Variants in DYNC2I1 observed in about 807,000 individuals in gnomAD.
DYNC2I1 encodes cytoplasmic dynein 2 intermediate chain 1.
DYNC2I1 carries 89 observed loss-of-function variants against 133.4 expected under a neutral mutation model. The observed-to-expected ratio is 0.67, with a 90% CI of 0.56 to 0.80. The LOEUF is 0.80. DYNC2I1 is among the 30% of genes least tolerant of loss of function. The pLI is 0.00. For missense variants in DYNC2I1, 1,291 were observed against 1,314.5 expected (o/e 0.98, Z 0.28); for synonymous variants, 504 against 484.3 (o/e 1.04, Z -0.54).
chr7:158,931,787 G>A (rs1448693995), intron 21 of DYNC2I1, among the ~76,000 whole-genome samples: 2 of 152,202 alleles, frequency 1.3e-5, no homozygotes, highest in East Asian at 3.9e-4. Context: ...TACGTGCTAG[G>A]CTTTGTAGCA....
intron 11 of DYNC2I1, among the ~76,000 whole-genome samples, chr7:158,907,331 T>C (rs1482953748): frequency 1.3e-5 from 2 of 148,762 alleles, no homozygotes; most frequent in East Asian, 2.0e-4. Flanking sequence ...AAACTACATA[T>C]GGTTTAATGC....
intron 24 of DYNC2I1, among the ~76,000 whole-genome samples, chr7:158,944,771 C>A (rs1563215063): frequency 6.6e-6 from 1 of 152,150 alleles, no homozygotes; most frequent in Non-Finnish European, 1.5e-5. Context: ...AGTTGGATCT[C>A]AAAGGACAAG....
At chr7:158,955,568 G>A (rs1032821693) in intron 4 of DYNC2I1, among the ~76,000 whole-genome samples, 1 of 152,220 alleles carries the variant, frequency 6.6e-6, no homozygotes, top group Non-Finnish European at 1.5e-5. Context: ...AGAGCCAGGC[G>A]GTGGTTCTGG....
In DYNC2I1 at chr7:158,871,155, G is replaced by A; in HGVS notation, c.83G>A (p.Gly28Asp). The A allele has an allele frequency of 1.2e-6, 2 of 1,613,120 alleles. No homozygotes were observed. The highest frequency in any genetic ancestry group is 2.2e-5 in the East Asian group (1 of 44,856). Residue 28 changes from glycine to aspartate, a missense_variant, in exon 3 of 25, where the codon GGT becomes GAT. By Grantham distance (94) the Gly-to-Asp change is moderately conservative. Coordinates refer to ENST00000407559, the MANE Select transcript of DYNC2I1 (RefSeq NM_018051.5). ...CTCTTGTTTCAGGCCATACAGTCAG[G>A]TGGTTCCAAGGAAGAAAGAAAGCAC... is the stretch of plus-strand genomic sequence containing the variant. ...LRKHLWAIQS[G>D]GSKEERKHRE...
chr7:158,851,907 A>C (rs951426621), upstream of DYNC2I1, among the ~76,000 whole-genome samples: 1 of 152,190 alleles, frequency 6.6e-6, no homozygotes, highest in Non-Finnish European at 1.5e-5. Context: ...ACACACAAAT[A>C]CTATTCTGAT....
At chr7:158,839,845 G>A in the DYNC2I1 span, among the ~76,000 whole-genome samples, 2 of 151,360 alleles carry the variant, frequency 1.3e-5, no homozygotes, top group East Asian at 1.9e-4. Context: ...ATGAGGTCTC[G>A]CTCTATCACC....
chr7:158,880,062 G>C, intron 5 of DYNC2I1, 73 bp downstream of exon 5: 1 of 1,504,750 alleles, frequency 6.6e-7, no homozygotes, highest in Non-Finnish European at 8.9e-7. Flanking sequence ...CTTACCGGGC[G>C]GTGTCGCCAG....
intron 23 of DYNC2I1, among the ~76,000 whole-genome samples, chr7:158,940,365 G>A (rs964331332): frequency 3.3e-5 from 5 of 152,142 alleles, no homozygotes; most frequent in Middle Eastern, 3.2e-3. Flanking sequence ...CAGGAGGTGG[G>A]GTTCAGGTGG....
In DYNC2I1 at chr7:158,871,367, C is replaced by A. The variant is rs763613395; in HGVS notation, c.295C>A (p.Arg99=). The A allele has an allele frequency of 1.9e-6, 3 of 1,549,692 alleles. No homozygotes were observed. In the African/African-American group the frequency reaches 4.1e-5, roughly 21 times the overall value. The change falls in exon 3 of 25, where the codon CGG becomes AGG. Residue 99 remains arginine, a synonymous_variant. Transcript: ENST00000407559. The stretch of plus-strand genomic sequence containing the variant: ...GGAGAGGAGAAGAGACGCAAAAGAC[C>A]GGGAGAAAGAAAAGCTGAAGGAGAA... ...QRERRRDAKD[R]EKEKLKEKHR... is the part of the protein sequence containing the mutation.
chr7:158,902,253 T>A lies in DYNC2I1; in HGVS notation c.1138-123T>A, dbSNP rs371561388. On this transcript the variant is annotated intron_variant, in intron 9 of 24. Coordinates refer to ENST00000407559, the MANE Select transcript of DYNC2I1 (RefSeq NM_018051.5). ...TAAAATCAGGGAACTATAAATATCTTTCTTAGCTGTAATAAGGACATTGTC... is the reference window on the plus strand; with the variant it reads ...TAAAATCAGGGAACTATAAATATCTATCTTAGCTGTAATAAGGACATTGTC... 119 of 779,002 alleles carry A rather than the reference T, an allele frequency of 1.5e-4. 1 individual carries two copies. In the African/African-American group the frequency reaches 1.7e-3, roughly 11 times the overall value. 48.3% of individuals were successfully genotyped at this position (779,002 alleles called of 1,614,324 possible).
At chr7:158,890,833 C>G (rs1845136871) in intron 7 of DYNC2I1, among the ~76,000 whole-genome samples, 1 of 152,148 alleles carries the variant, frequency 6.6e-6, no homozygotes, top group Admixed American at 6.5e-5. Context: ...CTCGGCCTCC[C>G]AGAGTGCTAG....
chr7:158,890,301 A>G (rs1845074650), intron 7 of DYNC2I1, among the ~76,000 whole-genome samples: 1 of 152,062 alleles, frequency 6.6e-6, no homozygotes, highest in African/African-American at 2.4e-5. Context: ...CCAATGGGAT[A>G]TTTTACATTC....
chr7:158,879,998 T>C lies in DYNC2I1; in HGVS notation c.879+9T>C, dbSNP rs749998734. On this transcript the variant is annotated intron_variant, in intron 5 of 24. Transcript: ENST00000407559. ...GGAAAAGGGAATCCCAGGTACCCCT[T>C]CTGATGCTTCGTTGCCTTAGCAGCC... 6.3e-7 allele frequency: 1 copy of C among 1,574,976 alleles called. No homozygotes were observed. Among genetic ancestry groups the C allele is most frequent in the South Asian group, 1.2e-5 (1 of 84,308 alleles).
chr7:158,866,802 T>C (rs1309018471), intron 1 of DYNC2I1, among the ~76,000 whole-genome samples: 3 of 152,060 alleles, frequency 2.0e-5, no homozygotes, highest in Non-Finnish European at 4.4e-5. Flanking sequence ...CGAGAATTGC[T>C]TGAACCTAGG....
In DYNC2I1 at chr7:158,879,962, A is replaced by C. The variant is rs1453367347; in HGVS notation, c.852A>C (p.Lys284Asn). The C allele has an allele frequency of 6.2e-7, 1 of 1,601,202 alleles. No homozygotes were observed. The highest frequency in any genetic ancestry group is 8.5e-7 in the Non-Finnish European group (1 of 1,176,440). ...SNVDRKEKSA[K>N]DEPRKRESQN... ...TGGATAGAAAAGAGAAATCGGCAAAAGATGAGCCCAGGAAAAGGGAATCCC... is the reference window on the plus strand; with the variant it reads ...TGGATAGAAAAGAGAAATCGGCAAACGATGAGCCCAGGAAAAGGGAATCCC... Residue 284 changes from lysine (K) to asparagine (N), a missense_variant, in exon 5 of 25, where the codon AAA becomes AAC. Lys to Asn is a moderately conservative substitution (Grantham distance 94). Coordinates refer to ENST00000407559, the MANE Select transcript of DYNC2I1 (RefSeq NM_018051.5).
At chr7:158,935,219 A>G (rs12154715) in intron 23 of DYNC2I1, among the ~76,000 whole-genome samples, 23,944 of 152,246 alleles carry the variant, frequency 0.16, 2,066 homozygotes, top group African/African-American at 0.18. Context: ...CGCTGCACTC[A>G]TGCTGCAGGA....
At chr7:158,931,701 A>G (rs1374348738) in intron 21 of DYNC2I1, among the ~76,000 whole-genome samples, 1 of 152,216 alleles carries the variant, frequency 6.6e-6, no homozygotes, top group Non-Finnish European at 1.5e-5. Context: ...AAAAACTCCT[A>G]GCAGTGTCTT....
At chr7:158,902,680 T>C in intron 10 of DYNC2I1, 85 bp downstream of exon 10, 2 of 1,248,578 alleles carry the variant, frequency 1.6e-6, no homozygotes, top group Non-Finnish European at 2.3e-6. Flanking sequence ...CACACAGGCC[T>C]ACTCTAATAA....
chr7:158,844,117 G>A, the DYNC2I1 span, among the ~76,000 whole-genome samples: 1 of 152,172 alleles, frequency 6.6e-6, no homozygotes, highest in Non-Finnish European at 1.5e-5. Flanking sequence ...ACAAAAGGAA[G>A]GCAGTCTCTC....
Sources: allele counts gnomAD v4.1 joint callset (sites outside exome capture counted in the v4.1 genomes callset), GRCh38; gene constraint gnomAD v4.1.1; transcripts MANE v1.5; gene names NCBI Gene and HGNC (gene_info 2026-07-23, HGNC 2026-07-21).